Variants in DTNA observed in about 807,000 individuals in gnomAD.
DTNA encodes dystrobrevin alpha, also known as dystrophin-related protein 3.
Under a neutral mutation model 100.7 loss-of-function variants are expected in DTNA, and 43 were observed. The observed-to-expected ratio is 0.43, with a 90% confidence interval of 0.33 to 0.55. The LOEUF (loss-of-function observed/expected upper bound fraction) is 0.55. Ranked by LOEUF, DTNA falls within the 20% of genes least tolerant of loss-of-function variation. The pLI, the probability that DTNA is intolerant of heterozygous loss-of-function variation, is 0.04. For synonymous variants in DTNA, 349 were observed against 347.9 expected (o/e 1.00, Z -0.04); for missense variants, 798 against 953.9 (o/e 0.84, Z 2.15).
intron 1 of DTNA, among the ~76,000 whole-genome samples, chr18:34,564,150 T>C: frequency 6.9e-6 from 1 of 145,096 alleles, no homozygotes; most frequent in African/African-American, 2.6e-5. Flanking sequence ...CCGTACTTCC[T>C]TTTTTTTTTT....
At chr18:34,530,908 C>T (rs1449076490) in intron 1 of DTNA, among the ~76,000 whole-genome samples, 3 of 152,150 alleles carry the variant, frequency 2.0e-5, no homozygotes, top group Non-Finnish European at 4.4e-5. Flanking sequence ...TCTACTAATA[C>T]ATCAGCAGCC....
intron 4 of DTNA, among the ~76,000 whole-genome samples, chr18:34,803,797 A>G (rs114934098): frequency 9.7e-4 from 147 of 152,328 alleles, no homozygotes; most frequent in African/African-American, 3.2e-3. Context: ...TTGCATTTCT[A>G]TTACAGCTAC....
intron 13 of DTNA, among the ~76,000 whole-genome samples, chr18:34,839,648 A>T (rs181950219): frequency 4.5e-4 from 68 of 152,336 alleles, no homozygotes; most frequent in Middle Eastern, 3.4e-3. Context: ...TAGCAAACCA[A>T]TTCCTTGAAA....
intron 5 of DTNA, among the ~76,000 whole-genome samples, chr18:34,806,679 C>T (rs1174247117): frequency 6.6e-6 from 1 of 152,174 alleles, no homozygotes; most frequent in African/African-American, 2.4e-5. Flanking sequence ...AAGCAAGACT[C>T]TTGGCACATT....
intron 5 of DTNA, among the ~76,000 whole-genome samples, chr18:34,811,092 C>A (rs2095477236): frequency 1.3e-5 from 2 of 152,172 alleles, no homozygotes; most frequent in African/African-American, 2.4e-5. Flanking sequence ...GCTGTGCTGG[C>A]CTGGTGACAA....
intron 3 of DTNA, among the ~76,000 whole-genome samples, chr18:34,776,039 A>G (rs145410340): frequency 5.9e-5 from 9 of 152,346 alleles, no homozygotes; most frequent in African/African-American, 2.2e-4. Context: ...TGGGACATAT[A>G]CTTTGTATAA....
At chr18:34,649,186 T>A (rs1047828382) in intron 1 of DTNA, among the ~76,000 whole-genome samples, 1 of 152,228 alleles carries the variant, frequency 6.6e-6, no homozygotes, top group Non-Finnish European at 1.5e-5. Flanking sequence ...TACAAACTTA[T>A]CTCTGTCTGT....
intron 9 of DTNA, chr18:34,825,125 C>A: frequency 8.9e-7 from 1 of 1,121,146 alleles, no homozygotes; most frequent in Non-Finnish European, 1.4e-6. Context: ...AGAGGTGCTG[C>A]CAGTCATGAA....
chr18:34,848,850 A>G (rs1037000885), intron 14 of DTNA, among the ~76,000 whole-genome samples: 6 of 152,220 alleles, frequency 3.9e-5, no homozygotes, highest in African/African-American at 1.4e-4. Flanking sequence ...CAACACATTG[A>G]TTCAGAATTC....
At chr18:34,571,616 G>A (rs1179641715) in intron 1 of DTNA, among the ~76,000 whole-genome samples, 1 of 152,100 alleles carries the variant, frequency 6.6e-6, no homozygotes, top group Non-Finnish European at 1.5e-5. Context: ...GAATAGTCAT[G>A]CACTGGCCCT....
chr18:34,799,199 G>A (rs559846915), intron 4 of DTNA, among the ~76,000 whole-genome samples: 7 of 152,210 alleles, frequency 4.6e-5, no homozygotes, highest in South Asian at 2.1e-4. Flanking sequence ...ATAGTCTTAC[G>A]TAGAGAATAC....
intron 1 of DTNA, among the ~76,000 whole-genome samples, chr18:34,503,076 A>T (rs935256923): frequency 6.6e-6 from 1 of 152,028 alleles, no homozygotes; most frequent in Admixed American, 6.6e-5. Flanking sequence ...GTCTTCTGTT[A>T]TATTGACTTT....
intron 1 of DTNA, among the ~76,000 whole-genome samples, chr18:34,642,504 CCTTTCTTT>C (rs979591384): frequency 6.6e-6 from 1 of 151,650 alleles, no homozygotes; most frequent in Non-Finnish European, 1.5e-5. Flanking sequence ...TTCCTTCCTT[CCTTTCTTT>C]CTTTCCTTCT....
At chr18:34,561,664 T>C (rs1032834368) in intron 1 of DTNA, among the ~76,000 whole-genome samples, 1 of 152,126 alleles carries the variant, frequency 6.6e-6, no homozygotes, top group African/African-American at 2.4e-5. Context: ...TCTTTACAAA[T>C]CAGTGATTGA....
Position 34,718,205 on chromosome 18 carries a change from T to C in DTNA, c.-2+7760T>C, listed in dbSNP as rs893193038. Among the ~76,000 whole-genome samples the C allele has an allele frequency of 5.3e-5, 8 of 152,216 alleles. No homozygotes were observed. In the East Asian group the frequency reaches 9.7e-4, roughly 18 times the overall value. On this transcript the variant is annotated intron_variant, in intron 1 of 22. Coordinates refer to ENST00000444659, the MANE Select transcript of DTNA (RefSeq NM_001386795.1). ...CTTACATAAATCATCCTCTTGGAAG[T>C]AGGCGCAACTACATCATGTATGTAG...
chr18:34,750,867 T>C (rs899772802), intron 1 of DTNA, among the ~76,000 whole-genome samples: 1 of 152,226 alleles, frequency 6.6e-6, no homozygotes, highest in Non-Finnish European at 1.5e-5. Context: ...GGAAGTAACT[T>C]GAGGATGTGA....
chr18:34,725,342 A>G (rs2086374748), intron 1 of DTNA, among the ~76,000 whole-genome samples: 2 of 152,040 alleles, frequency 1.3e-5, no homozygotes, highest in South Asian at 4.1e-4. Context: ...TTTGCAATCT[A>G]TCCATCTGAC....
chr18:34,622,833 G>T (rs2056748800), intron 1 of DTNA, among the ~76,000 whole-genome samples: 1 of 152,086 alleles, frequency 6.6e-6, no homozygotes, highest in Admixed American at 6.5e-5. Context: ...CCTCGGATTG[G>T]GCTGAGCCAT....
intron 1 of DTNA, among the ~76,000 whole-genome samples, chr18:34,728,605 A>C (rs2087314117): frequency 6.6e-6 from 1 of 152,322 alleles, no homozygotes; most frequent in South Asian, 2.1e-4. Context: ...TTATGTAAAT[A>C]ACAAGGACTT....
Sources: allele counts gnomAD v4.1 joint callset (sites outside exome capture counted in the v4.1 genomes callset), GRCh38; gene constraint gnomAD v4.1.1; transcripts MANE v1.5; gene names NCBI Gene and HGNC (gene_info 2026-07-23, HGNC 2026-07-21).